PRKCA: variants seen among roughly 807,000 people sequenced by gnomAD.
PRKCA encodes protein kinase C alpha.
PRKCA carries 27 observed loss-of-function variants against 87.0 expected under a neutral mutation model. That is an observed-to-expected ratio of 0.31 (90% CI 0.23 to 0.43). The LOEUF (loss-of-function observed/expected upper bound fraction) is 0.43, where lower values mean the gene tolerates loss of function less well. Among genes scored for constraint, PRKCA ranks in the 20% least tolerant of loss-of-function variants. The pLI is 1.00. For missense variants in PRKCA, 518 were observed against 852.3 expected (o/e 0.61, Z 4.88); for synonymous variants, 329 against 311.1 (o/e 1.06, Z -0.61).
In PRKCA at chr17:66,302,905, C is replaced by G. The variant is rs542395606; in HGVS notation, c.54C>G (p.Asn18Lys). ...CCACGGCGTCTCAGGACGTGGCCAA[C>G]CGCTTCGCCCGCAAAGGGGCGCTGA... Reference protein sequence around the residue: ...NDSTASQDVANRFARKGALRQ... With the variant: ...NDSTASQDVAKRFARKGALRQ... The change falls in exon 1 of 17, where the codon AAC becomes AAG. Residue 18 changes from asparagine (N) to lysine (K), a missense_variant. Coordinates refer to ENST00000413366, the MANE Select transcript of PRKCA (RefSeq NM_002737.3). The G allele has an allele frequency of 6.2e-7, 1 of 1,611,558 alleles. No individual in the cohort carries two copies. Among genetic ancestry groups the G allele is most frequent in the Non-Finnish European group, 8.5e-7 (1 of 1,178,694 alleles).
At chr17:66,657,807 CTG>C (rs1971777772) in intron 5 of PRKCA, among the ~76,000 whole-genome samples, 1 of 151,930 alleles carries the variant, frequency 6.6e-6, no homozygotes, top group Admixed American at 6.6e-5. Flanking sequence ...GGCAGGGACT[CTG>C]TTATCCTTAA....
At chr17:66,478,987 G>A (rs1280482351) in intron 2 of PRKCA, among the ~76,000 whole-genome samples, 3 of 152,112 alleles carry the variant, frequency 2.0e-5, no homozygotes, top group Non-Finnish European at 4.4e-5. Flanking sequence ...TGACGAAGAC[G>A]CCAAAAGCAA....
At chr17:66,717,735 G>A (rs1230873508) in intron 8 of PRKCA, among the ~76,000 whole-genome samples, 5 of 152,212 alleles carry the variant, frequency 3.3e-5, no homozygotes, top group Non-Finnish European at 5.9e-5. Flanking sequence ...CTGTGGTGAA[G>A]TTAGCTCTCT....
At chr17:66,402,072 C>T (rs1007153044) in intron 2 of PRKCA, among the ~76,000 whole-genome samples, 1 of 152,122 alleles carries the variant, frequency 6.6e-6, no homozygotes, top group East Asian at 1.9e-4. Context: ...GAATGAGAAT[C>T]GGGGTGGACC....
chr17:66,365,580 C>T (rs1189266930), intron 2 of PRKCA, among the ~76,000 whole-genome samples: 1 of 152,052 alleles, frequency 6.6e-6, no homozygotes, highest in Non-Finnish European at 1.5e-5. Context: ...ATATTTACTT[C>T]CTCCAAATAG....
chr17:66,337,466 C>T (rs999397823), intron 2 of PRKCA, among the ~76,000 whole-genome samples: 1 of 152,100 alleles, frequency 6.6e-6, no homozygotes, highest in Non-Finnish European at 1.5e-5. Flanking sequence ...CATGGCACAC[C>T]ACAGCCTCGA....
At chr17:66,432,565 G>T (rs1913155012) in intron 2 of PRKCA, among the ~76,000 whole-genome samples, 1 of 152,146 alleles carries the variant, frequency 6.6e-6, no homozygotes, top group Non-Finnish European at 1.5e-5. Context: ...AGAAAACTAC[G>T]GCTTAGGGAG....
At chr17:66,802,104 C>T (rs1201613226) in intron 16 of PRKCA, among the ~76,000 whole-genome samples, 2 of 152,136 alleles carry the variant, frequency 1.3e-5, no homozygotes, top group African/African-American at 2.4e-5. Flanking sequence ...ACCCGCAGTC[C>T]CAGCTACTCA....
At chr17:66,428,721 C>A (rs902546392) in intron 2 of PRKCA, among the ~76,000 whole-genome samples, 1 of 152,072 alleles carries the variant, frequency 6.6e-6, no homozygotes, top group African/African-American at 2.4e-5. Context: ...TCAGGCTGGT[C>A]TCGAACTCCT....
In PRKCA at chr17:66,384,981, A is replaced by G. The variant is rs1176123964; in HGVS notation, c.205+78854A>G. ...CGTAAATGCCTGAGCAGGGGTTTTG[A>G]GAACTGTGCCTTCCTCTTCTTTGAC... is the stretch of plus-strand genomic sequence containing the variant. On this transcript the variant is annotated intron_variant, in intron 2 of 16. Transcript: ENST00000413366. Among the ~76,000 whole-genome samples, 4 of 152,176 alleles carry G rather than the reference A, an allele frequency of 2.6e-5. No individual in the cohort carries two copies. In the East Asian group the frequency reaches 7.7e-4, roughly 29 times the overall value.
At chr17:66,604,548 C>A (rs529208954) in intron 3 of PRKCA, among the ~76,000 whole-genome samples, 10 of 152,308 alleles carry the variant, frequency 6.6e-5, no homozygotes, top group African/African-American at 2.4e-4. Context: ...TTGCTGAATT[C>A]ATTTTGGCAG....
At chr17:66,515,741 C>T (rs1228042092) in intron 3 of PRKCA, among the ~76,000 whole-genome samples, 3 of 152,106 alleles carry the variant, frequency 2.0e-5, no homozygotes, top group Non-Finnish European at 2.9e-5. Context: ...GATGGGGCCT[C>T]GCTATGTTGC....
At chr17:66,531,670 A>G (rs1474613997) in intron 3 of PRKCA, among the ~76,000 whole-genome samples, 9 of 152,150 alleles carry the variant, frequency 5.9e-5, no homozygotes, top group Admixed American at 2.0e-4. Flanking sequence ...GCCTCCTGTC[A>G]CTGCTGTCTC....
chr17:66,709,985 G>A (rs1973283404), intron 8 of PRKCA, among the ~76,000 whole-genome samples: 2 of 152,094 alleles, frequency 1.3e-5, no homozygotes, highest in South Asian at 2.1e-4. Context: ...CAAACGAGTC[G>A]ATTCGCCAAA....
intron 3 of PRKCA, among the ~76,000 whole-genome samples, chr17:66,593,500 G>C (rs1969879243): frequency 6.6e-6 from 1 of 152,220 alleles, no homozygotes; most frequent in Admixed American, 6.5e-5. Context: ...ATAACTGCAA[G>C]AGAGGCAGGC....
intron 14 of PRKCA, chr17:66,775,184 AC>A (rs1975018838): frequency 1.1e-6 from 1 of 951,958 alleles, no homozygotes; most frequent in African/African-American, 1.8e-5. Flanking sequence ...GCCCACCCCC[AC>A]ATAGGACACT....
At chr17:66,368,278 C>CTA (rs532388154) in intron 2 of PRKCA, among the ~76,000 whole-genome samples, 33 of 146,570 alleles carry the variant, frequency 2.3e-4, no homozygotes, top group South Asian at 4.3e-4. Context: ...ATCCCTTAGC[C>CTA]TATATATATA....
At position 66,564,710 on chromosome 17, in the gene PRKCA, A is replaced by G. The variant is rs56215623; in HGVS notation, c.288+68427A>G. Among the ~76,000 whole-genome samples the G allele has an allele frequency of 9.9e-3, 1,500 of 152,262 alleles. 29 individuals carry two copies. The highest frequency in any genetic ancestry group is 0.034 in the African/African-American group (1,397 of 41,540). ...TAAAAGACCAGTGCCAGCCGGGTGC[A>G]GTGGCTCATGCCTGTAATCCCAGCA... On this transcript the variant is annotated intron_variant, in intron 3 of 16. Transcript: ENST00000413366.
chr17:66,653,995 A>G (rs1401514593), intron 5 of PRKCA, among the ~76,000 whole-genome samples: 4 of 152,226 alleles, frequency 2.6e-5, no homozygotes, highest in Non-Finnish European at 5.9e-5. Flanking sequence ...TGAAAGTGAT[A>G]GGCATTGTTG....
Sources: gnomAD v4.1 joint callset for allele counts (sites outside exome capture counted in the v4.1 genomes callset) on GRCh38, gnomAD v4.1.1 for gene constraint, MANE v1.5 for transcripts, NCBI Gene and HGNC (gene_info 2026-07-23, HGNC 2026-07-21) for gene names.